PCED1B: variants seen among roughly 807,000 people sequenced by gnomAD.
PCED1B encodes PC-esterase domain-containing protein 1B.
For missense variants in PCED1B, 573 were observed against 573.9 expected (o/e 1.00, Z 0.02); for synonymous variants, 251 against 246.1 (o/e 1.02, Z -0.19).
At chr12:47,215,371 A>G (rs1275082350) in intron 2 of PCED1B, among the ~76,000 whole-genome samples, 5 of 151,362 alleles carry the variant, frequency 3.3e-5, no homozygotes, top group African/African-American at 1.2e-4. Flanking sequence ...CTCCTGCCTC[A>G]GCCCCCCGAG....
chr12:47,157,708 C>T (rs569425300), intron 2 of PCED1B, among the ~76,000 whole-genome samples: 7 of 151,990 alleles, frequency 4.6e-5, no homozygotes, highest in Non-Finnish European at 7.4e-5. Context: ...GTGTTAAATA[C>T]ACCCATAATG....
chr12:47,217,411 G>A lies in PCED1B; in HGVS notation c.-58+722G>A, dbSNP rs541237265. Among the ~76,000 whole-genome samples the A allele has an allele frequency of 6.4e-3, 897 of 139,236 alleles. 48 individuals are homozygous for A. Among genetic ancestry groups the A allele is most frequent in the Non-Finnish European group, 9.8e-3 (639 of 64,954 alleles). 91.3% of individuals were successfully genotyped at this position (139,236 alleles called of 152,430 possible). Reference sequence around the variant, plus strand: ...GAGACAAGAAAGAAACAGAGAGAGAGAGAGAGACAGAGAAAGAAGAAAAAA... The same window carrying A: ...GAGACAAGAAAGAAACAGAGAGAGAAAGAGAGACAGAGAAAGAAGAAAAAA... On this transcript the variant is annotated intron_variant, in intron 3 of 3. Coordinates refer to ENST00000546455, the MANE Select transcript of PCED1B (RefSeq NM_138371.3).
chr12:47,202,342 A>T (rs138625551), intron 2 of PCED1B, among the ~76,000 whole-genome samples: 1 of 152,226 alleles, frequency 6.6e-6, no homozygotes, highest in African/African-American at 2.4e-5. Flanking sequence ...GCAGAAGCAC[A>T]TGAGCTTCCA....
chr12:47,159,525 G>A (rs1188538786), intron 2 of PCED1B, among the ~76,000 whole-genome samples: 1 of 151,786 alleles, frequency 6.6e-6, no homozygotes, highest in Non-Finnish European at 1.5e-5. Flanking sequence ...TTGGCCATTT[G>A]TGTGTCTTCT....
In PCED1B at chr12:47,089,461, CATATATATATATATATATAT is replaced by C. The variant is rs1217283440; in HGVS notation, c.-609+9749_-609+9768del. On this transcript the variant is annotated intron_variant, in intron 1 of 3. Coordinates refer to ENST00000546455, the MANE Select transcript of PCED1B (RefSeq NM_138371.3). ...GACTCCATCTCAAAAAAAAAAAATA[CATATATATATATATATATAT>C]ATATATATATATGTATATACCAAAA... 1.4e-3 allele frequency among the ~76,000 whole-genome samples: 88 copies of C among 63,414 alleles called. 1 individual carries two copies. The highest frequency in any genetic ancestry group is 0.012 in the Middle Eastern group (1 of 86). 41.6% of individuals were successfully genotyped at this position (63,414 alleles called of 152,430 possible).
At chr12:47,214,455 T>C (rs1439181750) in intron 2 of PCED1B, among the ~76,000 whole-genome samples, 1 of 152,152 alleles carries the variant, frequency 6.6e-6, no homozygotes, top group African/African-American at 2.4e-5. Flanking sequence ...TCCTCCCTAC[T>C]TCTAGGTTCT....
chr12:47,109,307 A>G (rs1412604541), intron 2 of PCED1B, among the ~76,000 whole-genome samples: 1 of 152,086 alleles, frequency 6.6e-6, no homozygotes, highest in Non-Finnish European at 1.5e-5. Flanking sequence ...AAGTTGAGCT[A>G]TATCAGTGAT....
chr12:47,105,722 C>T (rs1938918673), intron 2 of PCED1B, among the ~76,000 whole-genome samples: 1 of 151,986 alleles, frequency 6.6e-6, no homozygotes, highest in Admixed American at 6.6e-5. Flanking sequence ...AATATTTTGT[C>T]CCTTTTAAAA....
chr12:47,225,232 T>G (rs147288540), intron 3 of PCED1B, among the ~76,000 whole-genome samples: 1 of 152,322 alleles, frequency 6.6e-6, no homozygotes, highest in East Asian at 1.9e-4. Context: ...GCACCCAGCC[T>G]GGCAATTATT....
intron 2 of PCED1B, among the ~76,000 whole-genome samples, chr12:47,181,266 T>G (rs1942085982): frequency 6.6e-6 from 1 of 152,180 alleles, no homozygotes; most frequent in Admixed American, 6.5e-5. Context: ...ACTATACACA[T>G]TAGCCACTGC....
chr12:47,193,352 G>A (rs1565593644), intron 2 of PCED1B, among the ~76,000 whole-genome samples: 1 of 152,128 alleles, frequency 6.6e-6, no homozygotes, highest in Non-Finnish European at 1.5e-5. Context: ...AGCCAATGCA[G>A]AAACCAGGGA....
At chr12:47,214,562 C>G (rs979443611) in intron 2 of PCED1B, among the ~76,000 whole-genome samples, 1 of 151,914 alleles carries the variant, frequency 6.6e-6, no homozygotes, top group Admixed American at 6.6e-5. Flanking sequence ...GATCCCAGCA[C>G]TTTGGGAAGC....
At chr12:47,205,461 T>C (rs1942884127) in intron 2 of PCED1B, among the ~76,000 whole-genome samples, 2 of 152,180 alleles carry the variant, frequency 1.3e-5, no homozygotes, top group South Asian at 4.1e-4. Context: ...AAAGACAGTG[T>C]AGTCTTCAGG....
intron 1 of PCED1B, among the ~76,000 whole-genome samples, chr12:47,091,468 T>A (rs962020905): frequency 1.1e-4 from 16 of 152,160 alleles, no homozygotes; most frequent in African/African-American, 3.6e-4. Context: ...TATAAATTAA[T>A]ATATGTTAAT....
chr12:47,203,406 C>T (rs535767605), intron 2 of PCED1B, among the ~76,000 whole-genome samples: 2 of 152,206 alleles, frequency 1.3e-5, no homozygotes, highest in African/African-American at 2.4e-5. Flanking sequence ...CATCCCATCA[C>T]CCAGGTATTA....
rs1423807252 is a variant in PCED1B at position 47,175,440 on chromosome 12, T to C, written c.-525-40782T>C. On this transcript the variant is annotated intron_variant, in intron 2 of 3. Coordinates refer to ENST00000546455, the MANE Select transcript of PCED1B (RefSeq NM_138371.3). ...GAGCCACACCTCATTAATAATTTTA[T>C]TTGGTTGTTATCTAGAATGTTGTAA... 2.6e-5 allele frequency among the ~76,000 whole-genome samples: 4 copies of C among 152,174 alleles called. No homozygotes were observed. In the East Asian group the frequency reaches 7.7e-4, roughly 29 times the overall value.
chr12:47,084,960 C>A (rs1459633298), intron 1 of PCED1B, among the ~76,000 whole-genome samples: 1 of 152,170 alleles, frequency 6.6e-6, no homozygotes, highest in Non-Finnish European at 1.5e-5. Flanking sequence ...AACATCTCTT[C>A]TGGCAAATCC....
At chr12:47,174,581 T>G (rs541529106) in intron 2 of PCED1B, among the ~76,000 whole-genome samples, 1 of 152,386 alleles carries the variant, frequency 6.6e-6, no homozygotes, top group Non-Finnish European at 1.5e-5. Context: ...GGTCCTGGTA[T>G]GCCTCAGGTC....
rs1941420896 is a variant in PCED1B at position 47,162,544 on chromosome 12, A to G, written c.-525-53678A>G. Among the ~76,000 whole-genome samples, 2 of 152,232 alleles carry G rather than the reference A, an allele frequency of 1.3e-5. 1 individual carries two copies. ...GGCTCACAATTCTGCGGAGTATACAAGAAGCATAGTGCCAATATCTGCTTC... is the reference window on the plus strand; with the variant it reads ...GGCTCACAATTCTGCGGAGTATACAGGAAGCATAGTGCCAATATCTGCTTC... On this transcript the variant is annotated intron_variant, in intron 2 of 3. Transcript: ENST00000546455.
Sources: gnomAD v4.1 joint callset for allele counts (sites outside exome capture counted in the v4.1 genomes callset) on GRCh38, gnomAD v4.1.1 for gene constraint, MANE v1.5 for transcripts, NCBI Gene and HGNC (gene_info 2026-07-23, HGNC 2026-07-21) for gene names.